TAF1D: variants seen among roughly 807,000 people sequenced by gnomAD.
TAF1D encodes the protein TATA-box binding protein associated factor, RNA polymerase I subunit D, also known as TATA box-binding protein-associated factor RNA polymerase I subunit D.
A neutral mutation model predicts 26.2 loss-of-function variants in TAF1D; 23 were observed. That is an observed-to-expected ratio of 0.88 (90% CI 0.63 to 1.25). The LOEUF (loss-of-function observed/expected upper bound fraction) is 1.25, where lower values mean the gene tolerates loss of function less well. Among genes scored for constraint, TAF1D ranks in the 50% most tolerant of loss-of-function variants. TAF1D has a pLI of 0.00. For missense variants in TAF1D, 299 were observed against 322.0 expected, an observed-to-expected ratio of 0.93 and a Z score of 0.55; for synonymous variants, 100 against 105.6, an observed-to-expected ratio of 0.95 and a Z score of 0.33.
At chr11:93,739,129 T>C (rs1019860550) in intron 2 of TAF1D, 108 bp downstream of exon 2, 9 of 832,042 alleles carry the variant, frequency 1.1e-5, no homozygotes, top group Middle Eastern at 2.5e-4. Flanking sequence ...GTCAGTGAAA[T>C]CTAGTTTTCC....
intron 1 of TAF1D, among the ~76,000 whole-genome samples, chr11:93,740,224 G>A (rs1273936532): frequency 1.3e-5 from 2 of 151,608 alleles, no homozygotes; most frequent in Non-Finnish European, 2.9e-5. Context: ...CCTGAGCCTG[G>A]GAGGTGGAGC....
At position 93,736,024 on chromosome 11, in the gene TAF1D, ATTTT is replaced by A. The variant is rs1164066252; in HGVS notation, c.*133_*136del. ...CACAAACTTCTTCACAGGGTTAAAA[ATTTT>A]TTTTCTTGTTATAAAGTTCTGGGTT... On this transcript the variant is annotated 3_prime_UTR_variant, in exon 6 of 6. Transcript: ENST00000448108. The A allele has an allele frequency of 7.0e-7, 1 of 1,425,490 alleles. No individual in the cohort carries two copies. The highest frequency in any genetic ancestry group is 9.1e-7 in the Non-Finnish European group (1 of 1,094,176). 88.3% of individuals were successfully genotyped at this position (1,425,490 alleles called of 1,614,324 possible). A position where few individuals can be genotyped will look rare whatever the true frequency, so the allele number is the denominator to read the frequency against.
rs147509972 is a variant in TAF1D at position 93,738,934 on chromosome 11, T to TA, written c.68+302dup. 7.2e-3 allele frequency: 3,070 copies of TA among 429,248 alleles called. 83 individuals carry two copies. Among genetic ancestry groups the TA allele is most frequent in the African/African-American group, 0.057 (2,816 of 49,514 alleles). 26.6% of individuals were successfully genotyped at this position (429,248 alleles called of 1,614,324 possible). A position where few individuals can be genotyped will look rare whatever the true frequency, so the allele number is the denominator to read the frequency against. ...AAGGCTGTATGGTTCGGTTCACTGCTAAGAGTGTCTGAGTAAAACAAACAC... is the reference window on the plus strand; with the variant it reads ...AAGGCTGTATGGTTCGGTTCACTGCTAAAGAGTGTCTGAGTAAAACAAACAC... On this transcript the variant is annotated intron_variant, in intron 2 of 5. Transcript: ENST00000448108.
At chr11:93,733,239 TTAAG>T (rs777200283), downstream of TAF1D, 6 of 519,080 alleles carry the variant, frequency 1.2e-5, no homozygotes, top group South Asian at 5.6e-5. Flanking sequence ...TCTGTCAGAA[TTAAG>T]TTTTAGTTCA....
chr11:93,741,383 C>G lies in TAF1D; in HGVS notation c.-89G>C, dbSNP rs1942034750. ...GCTGCTTGTAACCCAGGCCTCGGCC[C>G]AAAACCCGCGACTGGCCTGGTGTCC... On this transcript the variant is annotated 5_prime_UTR_variant, in exon 1 of 6. Transcript: ENST00000448108. 2.5e-6 allele frequency: 1 copy of G among 407,842 alleles called. No individual in the cohort carries two copies. Among genetic ancestry groups the G allele is most frequent in the Non-Finnish European group, 4.8e-6 (1 of 207,038 alleles). 25.3% of individuals were successfully genotyped at this position (407,842 alleles called of 1,614,324 possible). A position where few individuals can be genotyped will look rare whatever the true frequency, so the allele number is the denominator to read the frequency against.
At chr11:93,734,485 A>G (rs1438251280), downstream of TAF1D, 1 of 377,514 alleles carries the variant, frequency 2.6e-6, no homozygotes, top group African/African-American at 2.1e-5. Flanking sequence ...TGAATCTAGG[A>G]TTCTTCTTTT....
downstream of TAF1D, chr11:93,734,600 T>A (rs1424603583): frequency 3.4e-6 from 2 of 579,806 alleles, no homozygotes; most frequent in African/African-American, 1.9e-5. Flanking sequence ...ACAAATATGA[T>A]GTGAAAACTC....
At position 93,735,960 on chromosome 11, in the gene TAF1D, G is replaced by C; in HGVS notation, c.*201C>G. 3.7e-6 allele frequency: 5 copies of C among 1,336,562 alleles called. No individual in the cohort carries two copies. The South Asian group carries it at 5.6e-5, about 15-fold the overall frequency. 82.8% of individuals were successfully genotyped at this position (1,336,562 alleles called of 1,614,324 possible). A position where few individuals can be genotyped will look rare whatever the true frequency, so the allele number is the denominator to read the frequency against. ...TATGTATTTTCTCTGGTGTTTTAATGGTTTTTTTTCTAATTATTACTACTT... is the reference window on the plus strand; with the variant it reads ...TATGTATTTTCTCTGGTGTTTTAATCGTTTTTTTTCTAATTATTACTACTT... On this transcript the variant is annotated 3_prime_UTR_variant, in exon 6 of 6. Coordinates refer to ENST00000448108, the MANE Select transcript of TAF1D (RefSeq NM_024116.4).
downstream of TAF1D, chr11:93,731,629 C>T (rs1485351338): frequency 3.9e-6 from 2 of 507,448 alleles, no homozygotes; most frequent in Admixed American, 2.0e-5. Context: ...TTTTTTACTC[C>T]TAAGTGGTGA....
chr11:93,740,380 G>A (rs1488357393), intron 1 of TAF1D, among the ~76,000 whole-genome samples: 2 of 122,542 alleles, frequency 1.6e-5, no homozygotes, highest in Non-Finnish European at 3.2e-5. Context: ...GCTGTTAGCC[G>A]AGATTGCACC....
Position 93,738,247 on chromosome 11 carries a change from TC to T in TAF1D, c.320del (p.Gly107GlufsTer13). 6.2e-7 allele frequency: 1 copy of T among 1,613,102 alleles called. No homozygotes were observed. The highest frequency in any genetic ancestry group is 8.5e-7 in the Non-Finnish European group (1 of 1,179,812). ...TAGGATTTCTCCTTCCTTCTGGTCTTCCCCGTGGTCTTCCTGTTGGCTGGTA... is the reference window on the plus strand; with the variant it reads ...TAGGATTTCTCCTTCCTTCTGGTCTTCCCGTGGTCTTCCTGTTGGCTGGTA... Reference protein sequence around the residue: ...RRYQPTGRPRGRPEGRRNPIY... With the variant: ...RRYQPTGRPRXRPEGRRNPIY... On this transcript the variant is annotated frameshift_variant, in exon 3 of 6. Coordinates refer to ENST00000448108, the MANE Select transcript of TAF1D (RefSeq NM_024116.4). LOFTEE classifies it high-confidence loss of function.
downstream of TAF1D, chr11:93,733,244 T>G (rs776551989): frequency 1.9e-6 from 1 of 519,034 alleles, no homozygotes; most frequent in Non-Finnish European, 3.8e-6. Context: ...CAGAATTAAG[T>G]TTTAGTTCAT....
At position 93,737,259 on chromosome 11, in the gene TAF1D, T is replaced by C. The variant is rs1565243088; in HGVS notation, c.460-20A>G. 6.5e-7 allele frequency: 1 copy of C among 1,544,886 alleles called. No homozygotes were observed. Among genetic ancestry groups the C allele is most frequent in the East Asian group, 2.3e-5 (1 of 43,358 alleles). The stretch of plus-strand genomic sequence containing the variant: ...AGCTTGCTATATATTAAAAACACCA[T>C]AAGTATGTCGAGATTTTATTTTTAA... On this transcript the variant is annotated intron_variant, in intron 3 of 5. Transcript: ENST00000448108.
In TAF1D at chr11:93,738,199, C is replaced by T. The variant is rs1261564089; in HGVS notation, c.369G>A (p.Lys123=). ...RNPIYSLIDK[K]KQFRSRGSGF... is the part of the protein sequence containing the mutation. ...CAGATCCTCTGCTTCTAAATTGTTT[C>T]TTCTTATCTATTAGTGAGTATATAG... Residue 123 remains lysine, a synonymous_variant, in exon 3 of 6, where the codon AAG becomes AAA. Transcript: ENST00000448108. 6.3e-7 allele frequency: 1 copy of T among 1,599,144 alleles called. No individual in the cohort carries two copies. Among genetic ancestry groups the T allele is most frequent in the Admixed American group, 1.8e-5 (1 of 56,438 alleles).
downstream of TAF1D, chr11:93,730,599 TA>T (rs1938414701): frequency 1.7e-6 from 1 of 586,426 alleles, no homozygotes; most frequent in Admixed American, 1.9e-5. Context: ...GTCACAGCGT[TA>T]AGAGCTCTGG....
At chr11:93,733,031 T>C (rs1303640167), downstream of TAF1D, 1 of 338,898 alleles carries the variant, frequency 3.0e-6, no homozygotes, top group Non-Finnish European at 5.8e-6. Flanking sequence ...GATGGTGTAA[T>C]TTCTATTTTT....
chr11:93,731,466 A>T (rs770362389), downstream of TAF1D: 29 of 516,082 alleles, frequency 5.6e-5, no homozygotes, highest in African/African-American at 4.6e-4. Context: ...GAGCTTTTAT[A>T]ATCTTCTGAA....
downstream of TAF1D, chr11:93,734,094 G>A (rs944076825): frequency 6.5e-6 from 1 of 152,892 alleles, no homozygotes; most frequent in Non-Finnish European, 1.5e-5. Context: ...CTTCAGTATT[G>A]CAACAGAGGA....
In TAF1D at chr11:93,735,853, C is replaced by G; in HGVS notation, c.*308G>C. 1 of 1,095,330 alleles carries G rather than the reference C, an allele frequency of 9.1e-7. No homozygotes were observed. The highest frequency in any genetic ancestry group is 1.1e-6 in the Non-Finnish European group (1 of 899,780). The allele number at this position is 1,095,330 out of a possible 1,614,324, so 67.9% of individuals were successfully genotyped here. On this transcript the variant is annotated 3_prime_UTR_variant, in exon 6 of 6. Transcript: ENST00000448108. ...AAGATTTTCTTTTCAAAATTAAAAT[C>G]ACTACATTTCATTGTTTCAATACTC... is the stretch of plus-strand genomic sequence containing the variant.
Sources: allele counts gnomAD v4.1 joint callset (sites outside exome capture counted in the v4.1 genomes callset), GRCh38; gene constraint gnomAD v4.1.1; transcripts MANE v1.5; gene names NCBI Gene and HGNC (gene_info 2026-07-23, HGNC 2026-07-21).